The following FOXP2 variants were observed in gnomAD, a reference collection of about 807,000 sequenced individuals.
FOXP2 encodes the protein forkhead box P2, also known as forkhead box protein P2.
FOXP2 carries 12 observed loss-of-function variants against 115.8 expected under a neutral mutation model. The ratio of observed to expected loss-of-function variants is 0.10; its 90% CI spans 0.07 to 0.17. The LOEUF is 0.17. FOXP2 is among the 10% of genes least tolerant of loss of function. The pLI is 1.00. For synonymous variants in FOXP2, 328 were observed against 297.7 expected (o/e 1.10, Z -1.05); for missense variants, 629 against 843.5 (o/e 0.75, Z 3.15).
At chr7:114,506,753 A>G (rs944844901) in intron 2 of FOXP2, among the ~76,000 whole-genome samples, 2 of 151,888 alleles carry the variant, frequency 1.3e-5, no homozygotes, top group South Asian at 4.1e-4. Context: ...GTACAAATTC[A>G]AAGTTCACAA....
chr7:114,486,029 A>G (rs1425956916), intron 2 of FOXP2, among the ~76,000 whole-genome samples: 1 of 152,198 alleles, frequency 6.6e-6, no homozygotes, highest in Non-Finnish European at 1.5e-5. Context: ...ACTACTTTTC[A>G]TGAGATAGCA....
chr7:114,359,614 C>T (rs1014705532), intron 2 of FOXP2, among the ~76,000 whole-genome samples: 1 of 152,228 alleles, frequency 6.6e-6, no homozygotes, highest in Non-Finnish European at 1.5e-5. Context: ...CATGGGAACC[C>T]ACCTCTTGGA....
chr7:114,692,247 T>C lies in FOXP2; in HGVS notation c.*2321T>C. ...TCAGAAGGGTGGCCTAAGACTACAA[T>C]GCTAAAGTATGCATACCTCAGTTAG... On this transcript the variant is annotated 3_prime_UTR_variant, in exon 17 of 17. Transcript: ENST00000350908. 4.4e-6 allele frequency: 2 copies of C among 453,932 alleles called. No individual in the cohort carries two copies. Among genetic ancestry groups the C allele is most frequent in the Non-Finnish European group, 8.8e-6 (2 of 226,714 alleles). 28.1% of individuals were successfully genotyped at this position (453,932 alleles called of 1,614,324 possible).
At chr7:114,147,281 G>A (rs1164317726) in intron 1 of FOXP2, among the ~76,000 whole-genome samples, 1 of 152,080 alleles carries the variant, frequency 6.6e-6, no homozygotes, top group Non-Finnish European at 1.5e-5. Flanking sequence ...ACAGCCTTTT[G>A]TATGTTGATA....
chr7:114,130,916 C>T (rs1791856941), intron 1 of FOXP2, among the ~76,000 whole-genome samples: 1 of 152,178 alleles, frequency 6.6e-6, no homozygotes, highest in African/African-American at 2.4e-5. Flanking sequence ...ATAATGCTCA[C>T]TGAGTATAAA....
intron 3 of FOXP2, among the ~76,000 whole-genome samples, chr7:114,561,793 G>T (rs1487357839): frequency 1.3e-5 from 2 of 151,994 alleles, no homozygotes; most frequent in African/African-American, 2.4e-5. Context: ...GTTGGGTTTT[G>T]TTTGTTTGTT....
chr7:114,348,400 T>C (rs1008279671), intron 2 of FOXP2, among the ~76,000 whole-genome samples: 6 of 152,120 alleles, frequency 3.9e-5, no homozygotes, highest in African/African-American at 1.4e-4. Context: ...CAAGGTTTGT[T>C]TCCTTTTTCC....
At chr7:114,278,251 T>C (rs1047826169) in intron 1 of FOXP2, among the ~76,000 whole-genome samples, 1 of 152,116 alleles carries the variant, frequency 6.6e-6, no homozygotes, top group Admixed American at 6.5e-5. Flanking sequence ...ATTTGGATTA[T>C]CTATATTATA....
chr7:114,113,672 T>A lies in FOXP2; in HGVS notation c.-247+25834T>A. ...GTGTGTACTACCATATCTGGATATT[T>A]ATTATTATTTTTTTATAGATGGGGT... On this transcript the variant is annotated intron_variant, in intron 1 of 19. Transcript: ENST00000635638. 3.9e-5 allele frequency among the ~76,000 whole-genome samples: 6 copies of A among 152,238 alleles called. 1 individual carries two copies. The highest frequency in any genetic ancestry group is 3.9e-4 in the Admixed American group (6 of 15,286).
intron 3 of FOXP2, among the ~76,000 whole-genome samples, chr7:114,616,947 A>C (rs1032473219): frequency 6.6e-6 from 1 of 152,198 alleles, no homozygotes; most frequent in African/African-American, 2.4e-5. Flanking sequence ...TTAGCCAGGC[A>C]TGGCAGTGCA....
chr7:114,239,423 T>G (rs1795096589), intron 1 of FOXP2, among the ~76,000 whole-genome samples: 1 of 152,250 alleles, frequency 6.6e-6, no homozygotes, highest in Non-Finnish European at 1.5e-5. Context: ...TTAATATCTT[T>G]TATTCATATA....
chr7:114,089,906 TAA>T (rs1242264073), intron 1 of FOXP2, among the ~76,000 whole-genome samples: 14 of 152,116 alleles, frequency 9.2e-5, no homozygotes, highest in African/African-American at 2.9e-4. Context: ...ATGGTTTGAT[TAA>T]GATTCATAGA....
At chr7:114,630,982 A>C (rs1804873983) in intron 5 of FOXP2, 1 of 154,944 alleles carries the variant, frequency 6.5e-6, no homozygotes, top group Non-Finnish European at 1.4e-5. Context: ...TTTTCTTATA[A>C]TAAGGGCACT....
intron 1 of FOXP2, among the ~76,000 whole-genome samples, chr7:114,088,640 C>A (rs1799477387): frequency 6.6e-6 from 1 of 152,218 alleles, no homozygotes; most frequent in Non-Finnish European, 1.5e-5. Flanking sequence ...GAGGTCAAAA[C>A]TGAAGTAAAG....
Position 114,095,340 on chromosome 7 carries a change from A to G in FOXP2, c.-247+7502A>G, listed in dbSNP as rs150347475. ...GTTTTCTTCCTGATACCCCATGAACATACACTGAAGAATGAGAGAAGATAT... is the reference window on the plus strand; with the variant it reads ...GTTTTCTTCCTGATACCCCATGAACGTACACTGAAGAATGAGAGAAGATAT... On this transcript the variant is annotated intron_variant, in intron 1 of 19. Coordinates refer to the FOXP2 transcript ENST00000635638. Among the ~76,000 whole-genome samples, 99 of 152,328 alleles carry G rather than the reference A, an allele frequency of 6.5e-4. No homozygotes were observed. The East Asian group carries it at 0.017, about 26-fold the overall frequency.
intron 1 of FOXP2, among the ~76,000 whole-genome samples, chr7:114,145,903 A>T (rs1192975559): frequency 1.3e-5 from 2 of 152,186 alleles, no homozygotes; most frequent in Non-Finnish European, 2.9e-5. Flanking sequence ...TTTTATTCAA[A>T]ATCTTTTGAC....
rs80025401 is a variant in FOXP2, at chr7:114,144,944, T to C, written c.-246-18000T>C. On this transcript the variant is annotated intron_variant, in intron 1 of 19. Coordinates refer to the FOXP2 transcript ENST00000635638. Reference sequence around the variant, plus strand: ...ATTAATGTTCAAATTGACTCTTCTGTTAGTTGCCTTGTTGGAGCAATCTGA... The same window carrying C: ...ATTAATGTTCAAATTGACTCTTCTGCTAGTTGCCTTGTTGGAGCAATCTGA... 3.8e-4 allele frequency among the ~76,000 whole-genome samples: 58 copies of C among 152,298 alleles called. No homozygotes were observed. In the East Asian group the frequency reaches 0.01, roughly 27 times the overall value.
chr7:114,568,521 T>C (rs1801133901), intron 3 of FOXP2, among the ~76,000 whole-genome samples: 1 of 151,852 alleles, frequency 6.6e-6, no homozygotes, highest in South Asian at 2.1e-4. Flanking sequence ...TTTGAGATAG[T>C]AACTAAAGAA....
intron 3 of FOXP2, among the ~76,000 whole-genome samples, chr7:114,611,057 C>T (rs781693817): frequency 2.0e-5 from 3 of 152,096 alleles, no homozygotes; most frequent in Non-Finnish European, 4.4e-5. Context: ...AATATTTCAT[C>T]CGTATCTTTG....
Sources: gnomAD v4.1 joint callset for allele counts (sites outside exome capture counted in the v4.1 genomes callset) on GRCh38, gnomAD v4.1.1 for gene constraint, MANE v1.5 for transcripts, NCBI Gene and HGNC (gene_info 2026-07-23, HGNC 2026-07-21) for gene names.